NUDCD3: variants seen among roughly 807,000 people sequenced by gnomAD.
The protein encoded by NUDCD3 is NudC domain containing 3, also known as nudC domain-containing protein 3.
In NUDCD3, 13 loss-of-function variants were observed where a neutral mutation model predicts 39.7. The ratio of observed to expected loss-of-function variants is 0.33; its 90% confidence interval spans 0.21 to 0.52. NUDCD3 has a LOEUF of 0.52. NUDCD3 is among the 20% of genes least tolerant of loss of function. The pLI is 0.96. For missense variants in NUDCD3, 453 were observed against 458.1 expected (o/e 0.99, Z 0.10); for synonymous variants, 175 against 172.4 (o/e 1.02, Z -0.12).
chr7:44,412,951 A>AAAGAAAG (rs1554489213), intron 3 of NUDCD3, among the ~76,000 whole-genome samples: 3 of 144,392 alleles, frequency 2.1e-5, no homozygotes, highest in African/African-American at 7.5e-5. Flanking sequence ...AAGAAAAAAA[A>AAAGAAAG]AAAGAAAGAA....
At chr7:44,485,776 G>A (rs565379054) in intron 1 of NUDCD3, among the ~76,000 whole-genome samples, 3 of 152,258 alleles carry the variant, frequency 2.0e-5, no homozygotes, top group East Asian at 1.9e-4. Flanking sequence ...TCTACTATGC[G>A]CCTACAGTGT....
intron 2 of NUDCD3, among the ~76,000 whole-genome samples, chr7:44,435,505 T>TAAAA (rs1799448187): frequency 6.6e-6 from 1 of 152,188 alleles, no homozygotes; most frequent in Non-Finnish European, 1.5e-5. Context: ...AAACGAAATC[T>TAAAA]CCAGGGGTCA....
At chr7:44,453,356 A>AAAT (rs1799830657) in intron 2 of NUDCD3, among the ~76,000 whole-genome samples, 1 of 151,724 alleles carries the variant, frequency 6.6e-6, no homozygotes, top group Non-Finnish European at 1.5e-5. Context: ...TCATCTCAAA[A>AAAT]AAATAAATAA....
intron 2 of NUDCD3, among the ~76,000 whole-genome samples, chr7:44,444,172 G>A (rs889124027): frequency 1.3e-5 from 2 of 152,132 alleles, no homozygotes; most frequent in Non-Finnish European, 2.9e-5. Flanking sequence ...ACAGACTCAG[G>A]GTCCCTGCCC....
chr7:44,383,704 C>T lies in NUDCD3; in HGVS notation c.*2307G>A, dbSNP rs998882856. On this transcript the variant is annotated 3_prime_UTR_variant, in exon 6 of 6. Transcript: ENST00000355451. ...AAGGGAAATGAGTCACCCCGCTTTCCTCGGACCTCAGCTGGTGGGACTTAG... is the reference window on the plus strand; with the variant it reads ...AAGGGAAATGAGTCACCCCGCTTTCTTCGGACCTCAGCTGGTGGGACTTAG... The T allele has an allele frequency of 2.6e-5, 4 of 152,290 alleles. No individual in the cohort carries two copies. Among genetic ancestry groups the T allele is most frequent in the Non-Finnish European group, 5.9e-5 (4 of 68,072 alleles). 9.4% of individuals were successfully genotyped at this position (152,290 alleles called of 1,614,324 possible).
chr7:44,397,870 T>C (rs1798651984), intron 4 of NUDCD3, among the ~76,000 whole-genome samples: 1 of 152,018 alleles, frequency 6.6e-6, no homozygotes, highest in Non-Finnish European at 1.5e-5. Flanking sequence ...CAGTCCAGAG[T>C]CCTTCCTGCA....
rs115985993 is a variant in NUDCD3, at chr7:44,474,083, G to C, written c.509+10885C>G. 5.7e-3 allele frequency among the ~76,000 whole-genome samples: 864 copies of C among 151,896 alleles called. 5 individuals carry two copies. The highest frequency in any genetic ancestry group is 0.02 in the African/African-American group (822 of 41,412). On this transcript the variant is annotated intron_variant, in intron 2 of 5. Transcript: ENST00000355451. ...CAGGCTGCTGTTGGAACTGGGCAAT[G>C]AGCACATGAGGAGTCATGTTCTTCT...
chr7:44,398,693 T>C lies in NUDCD3; in HGVS notation c.786+5747A>G, dbSNP rs143440594. 1.1e-4 allele frequency among the ~76,000 whole-genome samples: 16 copies of C among 152,344 alleles called. No homozygotes were observed. The East Asian group carries it at 3.1e-3, about 29-fold the overall frequency. ...CTCATTTCTATTCAGGGAAGCAATGTGCCCAGCGAGGACGACTTTACTCCT... is the reference window on the plus strand; with the variant it reads ...CTCATTTCTATTCAGGGAAGCAATGCGCCCAGCGAGGACGACTTTACTCCT... On this transcript the variant is annotated intron_variant, in intron 4 of 5. Transcript: ENST00000355451.
chr7:44,399,660 G>A (rs987305645), intron 4 of NUDCD3, among the ~76,000 whole-genome samples: 3 of 152,264 alleles, frequency 2.0e-5, no homozygotes, highest in Admixed American at 1.3e-4. Context: ...CTGTTGGTGG[G>A]GATGTGGGGA....
chr7:44,438,156 G>A (rs972999975), intron 2 of NUDCD3, among the ~76,000 whole-genome samples: 5 of 152,042 alleles, frequency 3.3e-5, no homozygotes, highest in African/African-American at 7.3e-5. Flanking sequence ...AGGAGTTCGA[G>A]ATCAGCCTAA....
At chr7:44,456,915 T>C (rs1340085309) in intron 2 of NUDCD3, among the ~76,000 whole-genome samples, 6 of 152,028 alleles carry the variant, frequency 3.9e-5, no homozygotes, top group Non-Finnish European at 7.4e-5. Context: ...TGTGGCAGGG[T>C]AACAAGCTCA....
chr7:44,439,889 GCTAA>G (rs72459869), intron 2 of NUDCD3, among the ~76,000 whole-genome samples: 20,521 of 152,178 alleles, frequency 0.13, 1,695 homozygotes, highest in Non-Finnish European at 0.19. Flanking sequence ...CACTGATGAT[GCTAA>G]CTAACATCAG....
chr7:44,415,553 G>A (rs1454837980), intron 3 of NUDCD3, among the ~76,000 whole-genome samples: 1 of 152,126 alleles, frequency 6.6e-6, no homozygotes, highest in Non-Finnish European at 1.5e-5. Flanking sequence ...AGAACATAAA[G>A]CATTATGCAT....
chr7:44,397,938 G>A (rs1798653004), intron 4 of NUDCD3, among the ~76,000 whole-genome samples: 1 of 151,952 alleles, frequency 6.6e-6, no homozygotes, highest in African/African-American at 2.4e-5. Context: ...TTCCTCCCCT[G>A]ACATCTCCTG....
chr7:44,435,910 A>G (rs886464130), intron 2 of NUDCD3, among the ~76,000 whole-genome samples: 1 of 152,240 alleles, frequency 6.6e-6, no homozygotes, highest in Non-Finnish European at 1.5e-5. Context: ...CGAGGGGCAG[A>G]GAAGCATGGC....
intron 2 of NUDCD3, among the ~76,000 whole-genome samples, chr7:44,459,056 A>G (rs1015915079): frequency 2.0e-5 from 3 of 152,112 alleles, no homozygotes; most frequent in African/African-American, 7.2e-5. Flanking sequence ...CAGTATATTG[A>G]CAATGGCTGC....
At chr7:44,450,170 G>T (rs1248025498) in intron 2 of NUDCD3, among the ~76,000 whole-genome samples, 1 of 151,292 alleles carries the variant, frequency 6.6e-6, no homozygotes, top group Non-Finnish European at 1.5e-5. Context: ...GAACCTATAA[G>T]AATGTCTAAT....
At chr7:44,399,711 A>G (rs939578688) in intron 4 of NUDCD3, among the ~76,000 whole-genome samples, 8 of 152,210 alleles carry the variant, frequency 5.3e-5, no homozygotes, top group South Asian at 2.1e-4. Flanking sequence ...GAAACAACTC[A>G]TCCACCAGGG....
Position 44,418,864 on chromosome 7 carries a change from CTG to C in NUDCD3, c.642+8705_642+8706del, listed in dbSNP as rs1254797295. 2.0e-5 allele frequency among the ~76,000 whole-genome samples: 3 copies of C among 152,326 alleles called. No homozygotes were observed. The East Asian group carries it at 5.8e-4, about 29-fold the overall frequency. On this transcript the variant is annotated intron_variant, in intron 3 of 5. Coordinates refer to ENST00000355451, the MANE Select transcript of NUDCD3 (RefSeq NM_015332.4). ...TCCCAGCCAAGGAAGCTGTGAAGAACTGTGTTATCCAGCCCAGATACTAAGCT... is the reference window on the plus strand; with the variant it reads ...TCCCAGCCAAGGAAGCTGTGAAGAACTGTTATCCAGCCCAGATACTAAGCT...
Sources: gnomAD v4.1 joint callset for allele counts (sites outside exome capture counted in the v4.1 genomes callset) on GRCh38, gnomAD v4.1.1 for gene constraint, MANE v1.5 for transcripts, NCBI Gene and HGNC (gene_info 2026-07-23, HGNC 2026-07-21) for gene names.